KY: variants seen among roughly 807,000 people sequenced by gnomAD.
The protein encoded by KY is kyphoscoliosis peptidase.
In KY, 43 loss-of-function variants were observed where a neutral mutation model predicts 76.1. The observed-to-expected ratio is 0.57, with a 90% CI of 0.44 to 0.73. The LOEUF is 0.73. Ranked by LOEUF, KY falls within the 30% of genes least tolerant of loss-of-function variation. The pLI, the probability that KY is intolerant of heterozygous loss-of-function variation, is 0.00. For missense variants in KY, 722 were observed against 828.9 expected (o/e 0.87, Z 1.58); for synonymous variants, 277 against 326.2 (o/e 0.85, Z 1.63).
At chr3:134,618,596 G>T (rs1193245337) in intron 8 of KY, among the ~76,000 whole-genome samples, 1 of 144,812 alleles carries the variant, frequency 6.9e-6, no homozygotes, top group Non-Finnish European at 1.5e-5. Context: ...CTGTTCTCCT[G>T]CTCAGGCCAG....
At chr3:134,644,233 G>T (rs1966156734) in intron 2 of KY, among the ~76,000 whole-genome samples, 1 of 152,194 alleles carries the variant, frequency 6.6e-6, no homozygotes, top group Non-Finnish European at 1.5e-5. Context: ...CATTTGCAGG[G>T]CATGCACGCT....
At chr3:134,644,747 G>C (rs545407090) in intron 2 of KY, among the ~76,000 whole-genome samples, 3 of 152,326 alleles carry the variant, frequency 2.0e-5, no homozygotes, top group Non-Finnish European at 4.4e-5. Flanking sequence ...AGCCAATCAA[G>C]GTGGGGGGTG....
rs529117994 is a variant in KY, at chr3:134,627,920, C to A, written c.338-102G>T. 29 of 833,688 alleles carry A rather than the reference C, an allele frequency of 3.5e-5. No homozygotes were observed. The African/African-American group carries it at 3.7e-4, about 11-fold the overall frequency. 51.6% of individuals were successfully genotyped at this position (833,688 alleles called of 1,614,324 possible). On this transcript the variant is annotated intron_variant, in intron 4 of 10. Transcript: ENST00000423778. ...GTGGTCCTTGCTTTTGACCCCTCCT[C>A]TTTACTCTCCTTTTCACAGTCTCCT...
intron 2 of KY, among the ~76,000 whole-genome samples, chr3:134,645,419 C>T (rs1235938725): frequency 6.6e-6 from 1 of 152,244 alleles, no homozygotes; most frequent in East Asian, 1.9e-4. Flanking sequence ...CCATCAGCCA[C>T]TTCCTTCTAA....
chr3:134,643,427 C>T, intron 2 of KY, 49 bp from the exon 3 acceptor site: 1 of 1,539,930 alleles, frequency 6.5e-7, no homozygotes, highest in Non-Finnish European at 9.0e-7. Context: ...GGGAATTTTC[C>T]CCAGGCAGAG....
At chr3:134,614,772 A>G (rs999073081) in intron 8 of KY, among the ~76,000 whole-genome samples, 6 of 152,178 alleles carry the variant, frequency 3.9e-5, no homozygotes, top group African/African-American at 1.4e-4. Context: ...TAGGAACTGT[A>G]TGATGCTCCT....
At chr3:134,607,478 T>C in intron 10 of KY, 1 of 985,668 alleles carries the variant, frequency 1.0e-6, no homozygotes, top group East Asian at 1.1e-4. Context: ...CCTGGGCGGA[T>C]GGAGGCCCCA....
At position 134,602,572 on chromosome 3, in the gene KY, G is replaced by A. The variant is rs75741546; in HGVS notation, c.*1007C>T. Among the ~76,000 whole-genome samples the A allele has an allele frequency of 0.016, 2,466 of 152,250 alleles. 56 individuals carry two copies. Among genetic ancestry groups the A allele is most frequent in the African/African-American group, 0.055 (2,283 of 41,540 alleles). On this transcript the variant is annotated 3_prime_UTR_variant, in exon 11 of 11. Transcript: ENST00000423778. ...GCCCTGTTAAAGTGTGAGTCTCCTC[G>A]GCATTGCCGCACTGCACTACTCACC...
chr3:134,649,520 T>C (rs1196841103), intron 1 of KY, among the ~76,000 whole-genome samples: 1 of 152,338 alleles, frequency 6.6e-6, no homozygotes, highest in African/African-American at 2.4e-5. Flanking sequence ...AAGAAGTTGA[T>C]GCCCTCTGTT....
At chr3:134,619,077 G>A in intron 8 of KY, 71 bp downstream of exon 8, 1 of 1,282,436 alleles carries the variant, frequency 7.8e-7, no homozygotes, top group Non-Finnish European at 1.1e-6. Context: ...TGTGGGCAAA[G>A]GCACATGGCA....
At chr3:134,604,537 G>T in intron 10 of KY, 63 bp from the exon 11 acceptor site, 2 of 1,394,590 alleles carry the variant, frequency 1.4e-6, no homozygotes, top group Non-Finnish European at 9.8e-7. Context: ...GCTGGTAAAT[G>T]TTTAACAACT....
intron 1 of KY, among the ~76,000 whole-genome samples, chr3:134,648,864 T>C (rs1469535151): frequency 2.6e-5 from 4 of 152,156 alleles, no homozygotes; most frequent in Non-Finnish European, 5.9e-5. Flanking sequence ...CCAAGGAAGA[T>C]CCACTCTCCA....
intron 5 of KY, among the ~76,000 whole-genome samples, chr3:134,625,681 G>A (rs1345461428): frequency 1.3e-5 from 2 of 152,254 alleles, no homozygotes; most frequent in African/African-American, 4.8e-5. Context: ...AGGGCGAGGT[G>A]CGTTTGGCAC....
intron 3 of KY, among the ~76,000 whole-genome samples, chr3:134,631,992 G>T (rs1164299901): frequency 6.6e-6 from 1 of 152,044 alleles, no homozygotes; most frequent in Non-Finnish European, 1.5e-5. Flanking sequence ...ATAACAGAAA[G>T]CTGGAGTTGC....
At chr3:134,635,734 A>C (rs1350301861) in intron 3 of KY, among the ~76,000 whole-genome samples, 1 of 152,140 alleles carries the variant, frequency 6.6e-6, no homozygotes, top group Non-Finnish European at 1.5e-5. Flanking sequence ...ACTGTATGTT[A>C]ATTTAAAATA....
chr3:134,617,849 A>G (rs1284652815), intron 8 of KY, among the ~76,000 whole-genome samples: 1 of 152,000 alleles, frequency 6.6e-6, no homozygotes, highest in Non-Finnish European at 1.5e-5. Context: ...AGGGCTGGAA[A>G]CTTGGCTGAG....
At chr3:134,620,198 A>C (rs1962359785) in intron 7 of KY, among the ~76,000 whole-genome samples, 2 of 152,150 alleles carry the variant, frequency 1.3e-5, no homozygotes, top group Non-Finnish European at 2.9e-5. Flanking sequence ...CATCCTGTGG[A>C]GAGCTGTGGG....
chr3:134,607,561 T>A (rs1348705792), intron 10 of KY: 10 of 985,506 alleles, frequency 1.0e-5, no homozygotes, highest in Admixed American at 6.1e-5. Context: ...CTTACAGGGC[T>A]GTGCAGCGTG....
rs1359684460 is a variant in KY at position 134,650,828 on chromosome 3, C to T, written c.133G>A (p.Gly45Arg). 6.3e-7 allele frequency: 1 copy of T among 1,593,310 alleles called. No individual in the cohort carries two copies. Among genetic ancestry groups the T allele is most frequent in the South Asian group, 1.1e-5 (1 of 89,498 alleles). Reference protein sequence around the residue: ...ANPSSLLQRGGGFQGVGNGVR... With the variant: ...ANPSSLLQRGRGFQGVGNGVR... ...ACCCGGGTCGGGCGCGCGTTACCTC[C>T]TCCGCGCTGCAGCAGCGAGCTCGGG... The change falls in exon 1 of 11, where the codon GGA becomes AGA. Residue 45 changes from glycine to arginine, a missense_variant. Transcript: ENST00000423778.
Sources: allele counts gnomAD v4.1 joint callset (sites outside exome capture counted in the v4.1 genomes callset), GRCh38; gene constraint gnomAD v4.1.1; transcripts MANE v1.5; gene names NCBI Gene and HGNC (gene_info 2026-07-23, HGNC 2026-07-21).